The following FAF1 variants were observed in gnomAD, a reference collection of about 807,000 sequenced individuals.
FAF1 encodes the protein FAS-associated factor 1.
A neutral mutation model predicts 92.5 loss-of-function variants in FAF1; 25 were observed. The observed-to-expected ratio is 0.27, with a 90% CI of 0.20 to 0.38. FAF1 has a LOEUF of 0.38. Ranked by LOEUF, FAF1 falls within the 10% of genes least tolerant of loss-of-function variation. FAF1 has a pLI of 1.00. For missense variants in FAF1, 636 were observed against 793.3 expected (o/e 0.80, Z 2.38); for synonymous variants, 234 against 273.2 (o/e 0.86, Z 1.42).
chr1:50,659,657 T>A (rs1655288266), intron 7 of FAF1, among the ~76,000 whole-genome samples: 1 of 152,206 alleles, frequency 6.6e-6, no homozygotes, highest in Admixed American at 6.5e-5. Flanking sequence ...ATTCTTGTTT[T>A]ACATGCAAAT....
intron 7 of FAF1, among the ~76,000 whole-genome samples, chr1:50,656,847 C>T (rs543615712): frequency 3.5e-4 from 54 of 152,116 alleles, no homozygotes; most frequent in African/African-American, 1.2e-3. Context: ...CGTGCCACTG[C>T]GCTCCAGCCT....
intron 15 of FAF1, among the ~76,000 whole-genome samples, chr1:50,513,371 C>T (rs192338428): frequency 5.3e-5 from 8 of 152,196 alleles, no homozygotes; most frequent in East Asian, 3.9e-4. Context: ...GCAATCCCAG[C>T]GATCAATACT....
chr1:50,792,655 T>A (rs1251590226), intron 3 of FAF1, among the ~76,000 whole-genome samples: 1 of 152,194 alleles, frequency 6.6e-6, no homozygotes, highest in African/African-American at 2.4e-5. Context: ...ATACATACCA[T>A]CCTATACATC....
chr1:50,764,831 TA>T (rs1660503622), intron 4 of FAF1, among the ~76,000 whole-genome samples: 1 of 152,224 alleles, frequency 6.6e-6, no homozygotes, highest in African/African-American at 2.4e-5. Flanking sequence ...GAGTTTCAGA[TA>T]AACTAACCTG....
Position 50,845,870 on chromosome 1 carries a change from C to T in FAF1, c.114+12059G>A, listed in dbSNP as rs886720546. ...AGGCGTGGTGGCTCATGCCTGTAAT[C>T]CCTGCACTTTGGGAGGTCAAGACGG... On this transcript the variant is annotated intron_variant, in intron 2 of 18. Coordinates refer to ENST00000396153, the MANE Select transcript of FAF1 (RefSeq NM_007051.3). 3.9e-5 allele frequency among the ~76,000 whole-genome samples: 6 copies of T among 152,212 alleles called. No individual in the cohort carries two copies. In the East Asian group the frequency reaches 1.2e-3, roughly 29 times the overall value.
At chr1:50,724,292 CACAT>C (rs1211817553) in intron 6 of FAF1, among the ~76,000 whole-genome samples, 68 of 122,614 alleles carry the variant, frequency 5.5e-4, no homozygotes, top group African/African-American at 2.0e-3. Flanking sequence ...CACACACACA[CACAT>C]ACACACACAC....
At chr1:50,755,874 G>A (rs560592726) in intron 4 of FAF1, among the ~76,000 whole-genome samples, 8 of 152,316 alleles carry the variant, frequency 5.3e-5, no homozygotes, top group Admixed American at 2.6e-4. Context: ...AGCCACAGCT[G>A]CAGCAGCTGG....
intron 1 of FAF1, among the ~76,000 whole-genome samples, chr1:50,916,207 T>TATA (rs1481095645): frequency 6.6e-6 from 1 of 152,188 alleles, no homozygotes; most frequent in Non-Finnish European, 1.5e-5. Context: ...TGCTAATTCT[T>TATA]ATACTTACTA....
At chr1:50,715,039 C>T in intron 6 of FAF1, 2 of 427,980 alleles carry the variant, frequency 4.7e-6, no homozygotes, top group Admixed American at 2.8e-5. Context: ...TATCTATTTG[C>T]ATTATCAACA....
intron 8 of FAF1, among the ~76,000 whole-genome samples, chr1:50,614,954 G>A (rs1346195579): frequency 6.6e-6 from 1 of 152,006 alleles, no homozygotes; most frequent in African/African-American, 2.4e-5. Context: ...GACACAGGGA[G>A]TACATGTACA....
chr1:50,854,085 G>C (rs145228378), intron 2 of FAF1, among the ~76,000 whole-genome samples: 6 of 151,932 alleles, frequency 3.9e-5, no homozygotes, highest in Non-Finnish European at 7.4e-5. Context: ...GAAAAGCCAG[G>C]GCTCTTCATT....
chr1:50,811,519 T>C (rs966072803), intron 2 of FAF1, among the ~76,000 whole-genome samples: 4 of 152,174 alleles, frequency 2.6e-5, no homozygotes, highest in Non-Finnish European at 5.9e-5. Context: ...GAAAGATCTC[T>C]GTAATGAGAA....
chr1:50,670,830 T>C (rs574567661), intron 7 of FAF1, among the ~76,000 whole-genome samples: 2 of 152,226 alleles, frequency 1.3e-5, no homozygotes, highest in African/African-American at 4.8e-5. Flanking sequence ...CTTGGGAGGC[T>C]GAGGCAGGGA....
intron 6 of FAF1, among the ~76,000 whole-genome samples, chr1:50,720,107 T>C (rs1658347309): frequency 6.6e-6 from 1 of 152,084 alleles, no homozygotes; most frequent in Non-Finnish European, 1.5e-5. Context: ...GTTGAAGCAA[T>C]TGTCTTACCT....
chr1:50,867,480 A>G (rs1160302847), intron 1 of FAF1, among the ~76,000 whole-genome samples: 1 of 152,114 alleles, frequency 6.6e-6, no homozygotes, highest in East Asian at 1.9e-4. Flanking sequence ...AACTCAAATC[A>G]GCAAGAAAAA....
At chr1:50,614,839 CAAAAAAAA>C (rs1295301237) in intron 8 of FAF1, among the ~76,000 whole-genome samples, 2 of 46,836 alleles carry the variant, frequency 4.3e-5, no homozygotes, top group African/African-American at 1.5e-4. Flanking sequence ...AACTCCGTCT[CAAAAAAAA>C]AAAAAAAAAA....
intron 2 of FAF1, among the ~76,000 whole-genome samples, chr1:50,827,555 A>G (rs949795769): frequency 6.6e-6 from 1 of 152,092 alleles, no homozygotes; most frequent in Admixed American, 6.5e-5. Flanking sequence ...TTATCTGCTG[A>G]CCTTCTCTCC....
At chr1:50,939,154 A>G (rs1393074852) in intron 1 of FAF1, among the ~76,000 whole-genome samples, 1 of 152,178 alleles carries the variant, frequency 6.6e-6, no homozygotes, top group Non-Finnish European at 1.5e-5. Flanking sequence ...ATTGCTCTGG[A>G]GAGTATGGCC....
chr1:50,868,671 T>C (rs1431243577), intron 1 of FAF1, among the ~76,000 whole-genome samples: 2 of 152,222 alleles, frequency 1.3e-5, no homozygotes, highest in Non-Finnish European at 2.9e-5. Flanking sequence ...CCATGTGTTG[T>C]ATTTGGAAGA....
Sources: gnomAD v4.1 joint callset for allele counts (sites outside exome capture counted in the v4.1 genomes callset) on GRCh38, gnomAD v4.1.1 for gene constraint, MANE v1.5 for transcripts, NCBI Gene and HGNC (gene_info 2026-07-23, HGNC 2026-07-21) for gene names.